Variants in SPTA1 observed in about 807,000 individuals in gnomAD.
SPTA1 encodes the protein spectrin alpha, erythrocytic 1.
A neutral mutation model predicts 324.7 loss-of-function variants in SPTA1; 177 were observed. The observed-to-expected ratio is 0.55, with a 90% CI of 0.48 to 0.62. The LOEUF is 0.62. Ranked by LOEUF, SPTA1 falls within the 20% of genes least tolerant of loss-of-function variation. The pLI is 0.00. For missense variants in SPTA1, 3,162 were observed against 2,883.6 expected (o/e 1.10, Z -2.21); for synonymous variants, 1,195 against 1,041.3 (o/e 1.15, Z -2.84).
rs1260984585 is a variant in SPTA1 at position 158,666,413 on chromosome 1, C to T, written c.2123G>A (p.Trp708Ter). ...CCCATAATCCTCAGAGGTGACTTGC[C>T]ACTCAACATCCTCCAGCCAGCGCTG... The part of the protein sequence containing the change: ...DLQRWLEDVE[W>*]QVTSEDYGKG... The change falls in exon 16 of 52, where the codon TGG becomes TAG. Residue 708 changes from tryptophan to a stop codon, truncating the protein, a stop_gained. Transcript: ENST00000643759. LOFTEE classifies it high-confidence loss of function. The T allele has an allele frequency of 6.2e-7, 1 of 1,613,746 alleles. No homozygotes were observed. The highest frequency in any genetic ancestry group is 8.5e-7 in the Non-Finnish European group (1 of 1,179,972).
chr1:158,677,270 A>T (rs1654451420), intron 7 of SPTA1, among the ~76,000 whole-genome samples: 1 of 152,164 alleles, frequency 6.6e-6, no homozygotes, highest in South Asian at 2.1e-4. Flanking sequence ...AGGAGAAGAC[A>T]ATGTTTTTCT....
rs1030432313 is a variant in SPTA1 at position 158,653,497 on chromosome 1, TAA to T, written c.3037-74_3037-73del. The T allele has an allele frequency of 3.8e-6, 6 of 1,586,676 alleles. No individual in the cohort carries two copies. In the Admixed American group the frequency reaches 1.0e-4, roughly 27 times the overall value. On this transcript the variant is annotated intron_variant, in intron 21 of 51. Transcript: ENST00000643759. ...CAACAAACGGGAGAGACTTCAACAC[TAA>T]GTCTCTTGGCCCAGGCACAGGTTAA... is the stretch of plus-strand genomic sequence containing the variant.
At chr1:158,676,865 A>G (rs958409998) in intron 7 of SPTA1, among the ~76,000 whole-genome samples, 2 of 152,104 alleles carry the variant, frequency 1.3e-5, no homozygotes, top group African/African-American at 4.8e-5. Flanking sequence ...CTATAATCAG[A>G]TGATGTCTAG....
rs7547313 is a variant in SPTA1 at position 158,662,741 on chromosome 1, T to C, written c.2425A>G (p.Ile809Val). 0.017 allele frequency: 26,848 copies of C among 1,613,840 alleles called. 3,506 individuals are homozygous for C. In the African/African-American group the frequency reaches 0.3, roughly 18 times the overall value. Residue 809 changes from isoleucine (I) to valine (V), a missense_variant, in exon 17 of 52, where the codon ATC becomes GTC. Coordinates refer to ENST00000643759, the MANE Select transcript of SPTA1 (RefSeq NM_003126.4). ...GTAGCTGAGGGTTCAGTCTCTTGGATCCAGGCCTCCTCATCCTCTGTGTCT... is the reference window on the plus strand; with the variant it reads ...GTAGCTGAGGGTTCAGTCTCTTGGACCCAGGCCTCCTCATCCTCTGTGTCT... ...CRDTEDEEAW[I>V]QETEPSATST...
intron 27 of SPTA1, among the ~76,000 whole-genome samples, chr1:158,646,023 T>C (rs2101840353): frequency 6.6e-6 from 1 of 152,346 alleles, no homozygotes. Flanking sequence ...TTTCTAGGGT[T>C]TGAAGATACA....
intron 30 of SPTA1, 24 bp from the exon 31 acceptor site, chr1:158,643,449 C>T (rs1437610942): frequency 6.2e-7 from 1 of 1,607,466 alleles, no homozygotes; most frequent in Non-Finnish European, 8.5e-7. Context: ...AAGGAAAGAG[C>T]CCAGATGCTT....
intron 51 of SPTA1, chr1:158,611,655 T>C: frequency 1.1e-5 from 4 of 360,906 alleles, no homozygotes; most frequent in South Asian, 5.7e-5. Flanking sequence ...TTTTATTAAA[T>C]AGAAGGAATT....
chr1:158,676,130 G>A lies in SPTA1; in HGVS notation c.1112+11C>T, dbSNP rs774387860. The A allele has an allele frequency of 3.1e-6, 5 of 1,613,100 alleles. No individual in the cohort carries two copies. The highest frequency in any genetic ancestry group is 4.5e-5 in the East Asian group (2 of 44,878). The stretch of plus-strand genomic sequence containing the variant: ...AGATAGGTAGAGCAATAAAGGGGAG[G>A]GATTTCCCACCAATAAGTAGCCTGC... On this transcript the variant is annotated intron_variant, in intron 8 of 51. Transcript: ENST00000643759.
rs764529922 is a variant in SPTA1, at chr1:158,620,337, C to G, written c.6250G>C (p.Asp2084His). 95 of 1,613,988 alleles carry G rather than the reference C, an allele frequency of 5.9e-5. No homozygotes were observed. The highest frequency in any genetic ancestry group is 7.5e-5 in the Non-Finnish European group (89 of 1,180,040). The change falls in exon 44 of 52, where the codon GAC becomes CAC. Residue 2084 changes from aspartate to histidine, a missense_variant. Physicochemically the swap from Asp to His is moderately conservative, Grantham distance 81 (BLOSUM62 -1). Transcript: ENST00000643759. ...SLNEIRQLQK[D>H]HEDFLASLAR... Reference sequence around the variant, plus strand: ...AGGGAGGCCAAGAAGTCCTCATGGTCTTTCTGCAGCTGCCGAATTTCATTC... The same window carrying G: ...AGGGAGGCCAAGAAGTCCTCATGGTGTTTCTGCAGCTGCCGAATTTCATTC...
intron 51 of SPTA1, chr1:158,611,939 TG>T (rs1300928643): frequency 6.3e-6 from 1 of 157,890 alleles, no homozygotes; most frequent in Admixed American, 6.2e-5. Flanking sequence ...CTCCAGATAG[TG>T]TCTGGAAGAC....
At chr1:158,635,033 G>A (rs774221173) in intron 38 of SPTA1, among the ~76,000 whole-genome samples, 8 of 152,038 alleles carry the variant, frequency 5.3e-5, no homozygotes, top group Non-Finnish European at 8.8e-5. Context: ...GCCTTCTTTC[G>A]TATATGATGA....
intron 32 of SPTA1, 76 bp from the exon 33 acceptor site, chr1:158,642,618 G>A (rs1459863940): frequency 1.2e-5 from 19 of 1,596,178 alleles, no homozygotes; most frequent in Non-Finnish European, 1.5e-5. Flanking sequence ...GTATTTAAAA[G>A]GAAGGGCTAA....
chr1:158,668,027 C>T lies in SPTA1; in HGVS notation c.1869G>A (p.Gln623=). The T allele has an allele frequency of 1.9e-6, 3 of 1,611,840 alleles. No individual in the cohort carries two copies. Among genetic ancestry groups the T allele is most frequent in the Non-Finnish European group, 1.7e-6 (2 of 1,179,720 alleles). Residue 623 remains glutamine (Q), a synonymous_variant, in exon 15 of 52, where the codon CAG becomes CAA. Coordinates refer to ENST00000643759, the MANE Select transcript of SPTA1 (RefSeq NM_003126.4). ...CTGCCAACTCCTTTTCAAAGACTTG[C>T]TGCTTTTGAACCCTGCTCTTCAAGT... ...IQNLKSRVQK[Q]QVFEKELAVN... is the part of the protein sequence containing the mutation.
At position 158,685,668 on chromosome 1, in the gene SPTA1, A is replaced by C. The variant is rs857938; in HGVS notation, c.25-321T>G. On this transcript the variant is annotated intron_variant, in intron 1 of 51. Transcript: ENST00000643759. ...TAAATCAGCAAAATCACATAATTTC[A>C]GATAGATAAAAAGAAATATAATGTT... Among the ~76,000 whole-genome samples the C allele has an allele frequency of 0.3, 45,296 of 152,096 alleles. 8,147 individuals carry two copies. Among genetic ancestry groups the C allele is most frequent in the East Asian group, 0.4 (2,041 of 5,160 alleles).
rs768687669 is a variant in SPTA1 at position 158,636,049 on chromosome 1, C to G, written c.5311-15G>C. 1.2e-6 allele frequency: 2 copies of G among 1,614,068 alleles called. No individual in the cohort carries two copies. The highest frequency in any genetic ancestry group is 1.7e-6 in the Non-Finnish European group (2 of 1,179,980). ...TCCAGCACATTCTGAAGAACAACCCCGATACATGTTCCATTACCCCACAAT... is the reference window on the plus strand; with the variant it reads ...TCCAGCACATTCTGAAGAACAACCCGGATACATGTTCCATTACCCCACAAT... On this transcript the variant is annotated splice_polypyrimidine_tract_variant and intron_variant, in intron 37 of 51. Coordinates refer to ENST00000643759, the MANE Select transcript of SPTA1 (RefSeq NM_003126.4).
intron 39 of SPTA1, 109 bp downstream of exon 39, chr1:158,634,434 T>A (rs1236492894): frequency 6.8e-7 from 1 of 1,480,354 alleles, no homozygotes; most frequent in Non-Finnish European, 9.3e-7. Context: ...ATTTCCTTCA[T>A]CTTCTTTCAC....
At position 158,662,747 on chromosome 1, in the gene SPTA1, C is replaced by T. The variant is rs1557972435; in HGVS notation, c.2419G>A (p.Ala807Thr). The T allele has an allele frequency of 1.2e-6, 2 of 1,613,892 alleles. No homozygotes were observed. Among genetic ancestry groups the T allele is most frequent in the South Asian group, 2.2e-5 (2 of 91,080 alleles). ...LICRDTEDEE[A>T]WIQETEPSAT... Reference sequence around the variant, plus strand: ...GAGGGTTCAGTCTCTTGGATCCAGGCCTCCTCATCCTCTGTGTCTCTACAA... The same window carrying T: ...GAGGGTTCAGTCTCTTGGATCCAGGTCTCCTCATCCTCTGTGTCTCTACAA... The change falls in exon 17 of 52, where the codon GCC (alanine) becomes ACC (threonine). Residue 807 changes from alanine to threonine, a missense_variant. Physicochemically the swap from Ala to Thr is moderately conservative, Grantham distance 58. Transcript: ENST00000643759.
intron 15 of SPTA1, 120 bp from the exon 16 acceptor site, chr1:158,666,617 ATAAC>A: frequency 1.1e-6 from 1 of 904,570 alleles, no homozygotes; most frequent in South Asian, 1.4e-5. Flanking sequence ...AGAGGGAAAT[ATAAC>A]TGTCTCACAT....
chr1:158,651,313 G>T, intron 24 of SPTA1, 54 bp downstream of exon 24: 1 of 1,122,852 alleles, frequency 8.9e-7, no homozygotes, highest in Non-Finnish European at 1.4e-6. Flanking sequence ...AGTGAAATGA[G>T]GACTCCCAAA....
Sources: gnomAD v4.1 joint callset for allele counts (sites outside exome capture counted in the v4.1 genomes callset) on GRCh38, gnomAD v4.1.1 for gene constraint, MANE v1.5 for transcripts, NCBI Gene and HGNC (gene_info 2026-07-23, HGNC 2026-07-21) for gene names.